Variants in NRP1 observed in about 807,000 individuals in gnomAD.
NRP1 encodes the protein neuropilin-1.
In NRP1, 35 loss-of-function variants were observed where a neutral mutation model predicts 106.7. The observed-to-expected ratio is 0.33, with a 90% CI of 0.25 to 0.43. The LOEUF is 0.43. Among genes scored for constraint, NRP1 ranks in the 20% least tolerant of loss-of-function variants. NRP1 has a pLI of 1.00. For synonymous variants in NRP1, 437 were observed against 417.9 expected (o/e 1.05, Z -0.56); for missense variants, 1,024 against 1,170.4 (o/e 0.87, Z 1.83).
At position 33,260,985 on chromosome 10, in the gene NRP1, C is replaced by CAAAA. The variant is rs35665366; in HGVS notation, c.658+2657_658+2660dup. ...CACAAATGTTTCTAGTGCCATTGAC[C>CAAAA]AAAAAAAAAAAAAAAAAAAAAAAAA... On this transcript the variant is annotated intron_variant, in intron 4 of 16. Transcript: ENST00000374867. Among the ~76,000 whole-genome samples the CAAAA allele has an allele frequency of 4.2e-4, 25 of 60,068 alleles. 1 individual carries two copies. The highest frequency in any genetic ancestry group is 5.9e-4 in the Non-Finnish European group (19 of 32,374). 39.4% of individuals were successfully genotyped at this position (60,068 alleles called of 152,430 possible). A position where few individuals can be genotyped will look rare whatever the true frequency, so the allele number is the denominator to read the frequency against.
intron 2 of NRP1, among the ~76,000 whole-genome samples, chr10:33,324,842 T>G (rs1847776181): frequency 6.6e-6 from 1 of 152,204 alleles, no homozygotes; most frequent in Non-Finnish European, 1.5e-5. Flanking sequence ...TTCACCATGT[T>G]GGCCAGGCTG....
At chr10:33,301,804 C>T (rs1467657852) in intron 2 of NRP1, among the ~76,000 whole-genome samples, 4 of 151,984 alleles carry the variant, frequency 2.6e-5, no homozygotes, top group African/African-American at 7.3e-5. Context: ...TTGAGCGATT[C>T]GTTTTTTAAA....
At position 33,179,775 on chromosome 10, in the gene NRP1, G is replaced by T; in HGVS notation, c.*301C>A. On this transcript the variant is annotated 3_prime_UTR_variant, in exon 17 of 17. Coordinates refer to ENST00000374867, the MANE Select transcript of NRP1 (RefSeq NM_003873.7). ...GAATCCACAAAGGGGAGAGGAGAGA[G>T]AGAGAGAGGGGCAGGAGGGGTCGAA... The T allele has an allele frequency of 3.1e-6, 1 of 321,966 alleles. No homozygotes were observed. The highest frequency in any genetic ancestry group is 6.0e-5 in the East Asian group (1 of 16,644). 19.9% of individuals were successfully genotyped at this position (321,966 alleles called of 1,614,324 possible).
chr10:33,240,497 G>T (rs1169243986), intron 6 of NRP1, among the ~76,000 whole-genome samples: 1 of 152,052 alleles, frequency 6.6e-6, no homozygotes, highest in Non-Finnish European at 1.5e-5. Flanking sequence ...CTTTAAGCTT[G>T]GTTTCAAAAA....
chr10:33,307,694 A>T (rs189772848), intron 2 of NRP1, among the ~76,000 whole-genome samples: 2 of 152,218 alleles, frequency 1.3e-5, no homozygotes, highest in Non-Finnish European at 2.9e-5. Context: ...ATGCATACAG[A>T]TGTTCATTCC....
chr10:33,226,175 C>T lies in NRP1; in HGVS notation c.1096G>A (p.Gly366Arg), dbSNP rs370551432. The stretch of plus-strand genomic sequence containing the variant: ...TCTTTTATGGTGATCCAGTCTTCCC[C>T]GTTGGAGCTAACGTCGATCTTGTAA... Reference protein sequence around the residue: ...KTYKIDVSSNGEDWITIKEGN... With the variant: ...KTYKIDVSSNREDWITIKEGN... The change falls in exon 7 of 17, where the codon GGG becomes AGG. Residue 366 changes from glycine (G) to arginine (R), a missense_variant. This residue lies in a region of NRP1 where 562 missense variants were observed against 620.3 expected (regional missense o/e 0.91). Coordinates refer to ENST00000374867, the MANE Select transcript of NRP1 (RefSeq NM_003873.7). 1.9e-5 allele frequency: 30 copies of T among 1,614,056 alleles called. No homozygotes were observed. The highest frequency in any genetic ancestry group is 1.3e-4 in the South Asian group (12 of 91,088).
At chr10:33,289,714 T>C (rs1438748822) in intron 2 of NRP1, among the ~76,000 whole-genome samples, 2 of 152,224 alleles carry the variant, frequency 1.3e-5, no homozygotes, top group Non-Finnish European at 2.9e-5. Flanking sequence ...CTCCTGGCTA[T>C]GTTCACTCCT....
intron 1 of NRP1, 128 bp downstream of exon 1, chr10:33,334,180 TAA>T (rs1351400639): frequency 3.2e-5 from 25 of 782,626 alleles, no homozygotes; most frequent in Non-Finnish European, 4.9e-5. Flanking sequence ...TCCTCCCAGA[TAA>T]AAGTTTCCTT....
At chr10:33,213,200 C>T (rs2132811875) in intron 9 of NRP1, 186 bp downstream of exon 9, 1 of 1,481,028 alleles carries the variant, frequency 6.8e-7, no homozygotes, top group Non-Finnish European at 9.1e-7. Context: ...CATGTTATCT[C>T]AGACATCACT....
intron 2 of NRP1, among the ~76,000 whole-genome samples, chr10:33,280,060 C>A (rs1175853882): frequency 4.6e-5 from 7 of 152,242 alleles, no homozygotes; most frequent in Non-Finnish European, 7.4e-5. Flanking sequence ...AACAGCTTAA[C>A]TCAAAAATAA....
intron 6 of NRP1, among the ~76,000 whole-genome samples, chr10:33,236,057 T>C (rs973383681): frequency 6.6e-6 from 1 of 152,208 alleles, no homozygotes; most frequent in African/African-American, 2.4e-5. Flanking sequence ...GACTTAATAC[T>C]TTTAATTAAC....
chr10:33,196,109 T>G (rs559638012), intron 12 of NRP1, among the ~76,000 whole-genome samples: 19 of 152,200 alleles, frequency 1.2e-4, no homozygotes, highest in African/African-American at 3.9e-4. Flanking sequence ...TCAGGGAAGA[T>G]TACCTAGATT....
intron 2 of NRP1, among the ~76,000 whole-genome samples, chr10:33,329,727 A>G (rs1163943499): frequency 1.3e-5 from 2 of 151,902 alleles, no homozygotes; most frequent in Admixed American, 6.6e-5. Context: ...TAAAAGATGG[A>G]TATTCAGGTT....
At chr10:33,180,400 C>T (rs373643485) in intron 16 of NRP1, 35 bp from the exon 17 acceptor site, 170 of 1,535,048 alleles carry the variant, frequency 1.1e-4, no homozygotes, top group Non-Finnish European at 1.4e-4. Flanking sequence ...CCGTGAGCAC[C>T]GCCAACAGAC....
At chr10:33,285,820 G>A (rs1242622505) in intron 2 of NRP1, among the ~76,000 whole-genome samples, 8 of 146,540 alleles carry the variant, frequency 5.5e-5, no homozygotes, top group Admixed American at 4.2e-4. Context: ...GGGAGGGAGC[G>A]AGACTCCATC....
chr10:33,285,233 C>T (rs1035270481), intron 2 of NRP1, among the ~76,000 whole-genome samples: 5 of 152,044 alleles, frequency 3.3e-5, no homozygotes, highest in Admixed American at 2.0e-4. Context: ...TCAAGAATGC[C>T]CTGGTTTTAC....
At chr10:33,203,865 C>G (rs1277839748) in intron 10 of NRP1, among the ~76,000 whole-genome samples, 1 of 128,552 alleles carries the variant, frequency 7.8e-6, no homozygotes. Context: ...CTCAGCCTCC[C>G]GAGTAGCTGG....
chr10:33,192,269 A>G lies in NRP1; in HGVS notation c.2062+12T>C, dbSNP rs1366213252. ...CTGCAAAGCCATGCAGCCGAAGTGA[A>G]CTCTGTGATACCTGTGTGATCCTGA... On this transcript the variant is annotated intron_variant, in intron 13 of 16. Coordinates refer to ENST00000374867, the MANE Select transcript of NRP1 (RefSeq NM_003873.7). The G allele has an allele frequency of 8.7e-6, 14 of 1,607,286 alleles. No homozygotes were observed. The East Asian group carries it at 2.9e-4, about 33-fold the overall frequency.
intron 2 of NRP1, among the ~76,000 whole-genome samples, chr10:33,322,409 G>A (rs900148210): frequency 6.6e-6 from 1 of 151,918 alleles, no homozygotes; most frequent in Admixed American, 6.6e-5. Flanking sequence ...ATAGAGTCTC[G>A]CTCTATTGCC....
Sources: allele counts gnomAD v4.1 joint callset (sites outside exome capture counted in the v4.1 genomes callset), GRCh38; gene constraint gnomAD v4.1.1; regional missense constraint gnomAD v4.1.1; transcripts MANE v1.5; gene names NCBI Gene and HGNC (gene_info 2026-07-23, HGNC 2026-07-21).